Variants in CHN2 observed in about 807,000 individuals in gnomAD.
The protein encoded by CHN2 is chimerin 2, also known as beta-chimaerin.
In CHN2, 35 loss-of-function variants were observed where a neutral mutation model predicts 56.3. That is an observed-to-expected ratio of 0.62 (90% CI 0.47 to 0.82). The LOEUF is 0.82. Ranked by LOEUF, CHN2 falls within the 40% of genes least tolerant of loss-of-function variation. The pLI is 0.00. For synonymous variants in CHN2, 210 were observed against 212.8 expected, an observed-to-expected ratio of 0.99 and a Z score of 0.12; for missense variants, 491 against 580.5, an observed-to-expected ratio of 0.85 and a Z score of 1.58.
At chr7:29,454,805 T>A (rs921285634) in intron 6 of CHN2, among the ~76,000 whole-genome samples, 1 of 152,200 alleles carries the variant, frequency 6.6e-6, no homozygotes, top group Non-Finnish European at 1.5e-5. Context: ...TTGTCAAAAC[T>A]CACAGAAACG....
intron 1 of CHN2, among the ~76,000 whole-genome samples, chr7:29,206,948 G>C (rs567081445): frequency 1.3e-5 from 2 of 152,322 alleles, no homozygotes; most frequent in East Asian, 3.9e-4. Flanking sequence ...GAGAGGTTTG[G>C]AGTGAAATGG....
chr7:29,341,952 A>G (rs1396829977), intron 1 of CHN2, among the ~76,000 whole-genome samples: 1 of 152,188 alleles, frequency 6.6e-6, no homozygotes, highest in East Asian at 1.9e-4. Context: ...CCTCATTTCT[A>G]AGAGATAAAA....
intron 6 of CHN2, among the ~76,000 whole-genome samples, chr7:29,441,889 A>C (rs1452919522): frequency 3.3e-5 from 5 of 152,204 alleles, no homozygotes; most frequent in African/African-American, 9.7e-5. Flanking sequence ...TTACAAATTT[A>C]AAAGTAGAAT....
chr7:29,175,739 G>A (rs1216735619), intron 2 of CHN2, among the ~76,000 whole-genome samples: 8 of 151,862 alleles, frequency 5.3e-5, no homozygotes, highest in East Asian at 3.9e-4. Context: ...TTACCCAAGC[G>A]GAGCACAGGG....
intron 2 of CHN2, among the ~76,000 whole-genome samples, chr7:29,178,932 C>A (rs971503777): frequency 3.3e-5 from 5 of 152,172 alleles, no homozygotes; most frequent in African/African-American, 4.8e-5. Context: ...CACTAACACA[C>A]CATTTAAGGG....
intron 6 of CHN2, among the ~76,000 whole-genome samples, chr7:29,424,250 A>G (rs1166878565): frequency 6.6e-6 from 1 of 152,216 alleles, no homozygotes; most frequent in Non-Finnish European, 1.5e-5. Flanking sequence ...CATTGCTTTA[A>G]CATATCTTTA....
At chr7:29,208,202 C>T (rs1400849002) in intron 1 of CHN2, among the ~76,000 whole-genome samples, 1 of 152,126 alleles carries the variant, frequency 6.6e-6, no homozygotes, top group African/African-American at 2.4e-5. Flanking sequence ...CCCTGGGTAG[C>T]CACTTTTTGG....
At chr7:29,269,263 CT>C (rs1256829839) in intron 1 of CHN2, among the ~76,000 whole-genome samples, 3 of 152,010 alleles carry the variant, frequency 2.0e-5, no homozygotes, top group Non-Finnish European at 4.4e-5. Context: ...ATGAGTTCAA[CT>C]TTTTTTTAGC....
At position 29,512,801 on chromosome 7, in the gene CHN2, A is replaced by G. The variant is rs967787146; in HGVS notation, c.*66A>G. On this transcript the variant is annotated 3_prime_UTR_variant, in exon 13 of 13. Transcript: ENST00000222792. ...AGTTGACACAGCTAAAGGAATAAAA[A>G]CATTTCTTACCACTTGATTTGTTTT... 5 of 1,508,624 alleles carry G rather than the reference A, an allele frequency of 3.3e-6. No homozygotes were observed. The highest frequency in any genetic ancestry group is 4.5e-6 in the Non-Finnish European group (5 of 1,116,210). 93.5% of individuals were successfully genotyped at this position (1,508,624 alleles called of 1,614,324 possible). A position where few individuals can be genotyped will look rare whatever the true frequency, so the allele number is the denominator to read the frequency against.
chr7:29,507,136 T>C, intron 10 of CHN2, 92 bp from the exon 11 acceptor site: 1 of 1,179,918 alleles, frequency 8.5e-7, no homozygotes, highest in East Asian at 2.5e-5. Context: ...TCAGGGAGCA[T>C]TCATCGCTGG....
chr7:29,167,266 C>G (rs891654486), intron 2 of CHN2, among the ~76,000 whole-genome samples: 3 of 152,108 alleles, frequency 2.0e-5, no homozygotes, highest in Non-Finnish European at 4.4e-5. Flanking sequence ...TTGTCAAATA[C>G]AATAATTCTA....
Position 29,203,592 on chromosome 7 carries a change from G to A in CHN2, c.49+8602G>A, listed in dbSNP as rs535130479. On this transcript the variant is annotated intron_variant, in intron 1 of 12. Coordinates refer to ENST00000222792, the MANE Select transcript of CHN2 (RefSeq NM_004067.4). ...TACTAGAATATTTGAAGTTACATGC[G>A]TGGCTTACATTATATTTGTATTGGA... Among the ~76,000 whole-genome samples, 44 of 151,464 alleles carry A rather than the reference G, an allele frequency of 2.9e-4. 1 individual carries two copies. The highest frequency in any genetic ancestry group is 3.9e-4 in the East Asian group (2 of 5,186).
intron 1 of CHN2, among the ~76,000 whole-genome samples, chr7:29,237,757 TA>T (rs1787311025): frequency 6.6e-6 from 1 of 152,100 alleles, no homozygotes; most frequent in Non-Finnish European, 1.5e-5. Flanking sequence ...CAAAGCCAGA[TA>T]AATGAGAGAT....
chr7:29,302,223 G>A (rs1225364184), intron 1 of CHN2, among the ~76,000 whole-genome samples: 2 of 152,054 alleles, frequency 1.3e-5, no homozygotes, highest in South Asian at 2.1e-4. Flanking sequence ...TGCCGCCACC[G>A]CTGCTGCTGC....
At chr7:29,400,971 C>T (rs1802153822) in intron 6 of CHN2, 143 bp downstream of exon 6, 4 of 795,218 alleles carry the variant, frequency 5.0e-6, no homozygotes, top group Non-Finnish European at 7.8e-6. Context: ...GCCAAAGGGA[C>T]CTTAGAAATC....
chr7:29,361,644 T>C (rs1167697414), intron 2 of CHN2, among the ~76,000 whole-genome samples: 1 of 152,140 alleles, frequency 6.6e-6, no homozygotes, highest in Admixed American at 6.5e-5. Flanking sequence ...GTGAGATTGG[T>C]GAATTACCAA....
At chr7:29,220,402 G>A (rs245934) in intron 1 of CHN2, among the ~76,000 whole-genome samples, 59,507 of 151,372 alleles carry the variant, frequency 0.39, 11,891 homozygotes, top group East Asian at 0.54. Context: ...TAATATAATT[G>A]ATACATCTCT....
At chr7:29,251,169 C>A (rs1788481388) in intron 1 of CHN2, among the ~76,000 whole-genome samples, 1 of 152,136 alleles carries the variant, frequency 6.6e-6, no homozygotes, top group Non-Finnish European at 1.5e-5. Context: ...AAATAAAATA[C>A]CAGACCAGGC....
intron 1 of CHN2, among the ~76,000 whole-genome samples, chr7:29,290,359 G>A (rs1201475678): frequency 6.6e-6 from 1 of 152,162 alleles, no homozygotes; most frequent in African/African-American, 2.4e-5. Context: ...TGTTCCTTGT[G>A]GTTCTGTGGA....
Sources: allele counts gnomAD v4.1 joint callset (sites outside exome capture counted in the v4.1 genomes callset), GRCh38; gene constraint gnomAD v4.1.1; transcripts MANE v1.5; gene names NCBI Gene and HGNC (gene_info 2026-07-23, HGNC 2026-07-21).